HGS: variants seen among roughly 807,000 people sequenced by gnomAD.
HGS encodes hepatocyte growth factor-regulated tyrosine kinase substrate, also known as human growth factor-regulated tyrosine kinase substrate.
Under a neutral mutation model 109.7 loss-of-function variants are expected in HGS, and 63 were observed. The observed-to-expected ratio is 0.57, with a 90% confidence interval of 0.47 to 0.71. HGS has a LOEUF of 0.71. Ranked by LOEUF, HGS falls within the 30% of genes least tolerant of loss-of-function variation. The probability of loss-of-function intolerance (pLI) is 0.00; values close to 1 mark genes in which losing one functional copy is unlikely to be tolerated. For synonymous variants in HGS, 546 were observed against 437.3 expected, an observed-to-expected ratio of 1.25 and a Z score of -3.10; for missense variants, 995 against 1,068.3, an observed-to-expected ratio of 0.93 and a Z score of 0.96.
At chr17:81,696,776 G>C in intron 17 of HGS, 29 bp downstream of exon 17, 1 of 1,602,260 alleles carries the variant, frequency 6.2e-7, no homozygotes, top group Non-Finnish European at 8.5e-7. Context: ...CCACCCAGAG[G>C]CTTGTGGGCT....
intron 2 of HGS, among the ~76,000 whole-genome samples, 191 bp downstream of exon 2, chr17:81,685,880 A>G (rs1257088404): frequency 6.6e-6 from 1 of 152,128 alleles, no homozygotes; most frequent in Non-Finnish European, 1.5e-5. Context: ...CAGCTTGCAG[A>G]TACCTGGTTA....
chr17:81,693,637 TC>T lies in HGS; in HGVS notation c.742-13del. ...TCTTCCCCGGCGCCCCCCCTCACCCTCCCCGCTTGTCCTCAGCTGCCCCCCA... is the reference window on the plus strand; with the variant it reads ...TCTTCCCCGGCGCCCCCCCTCACCCTCCCGCTTGTCCTCAGCTGCCCCCCA... On this transcript the variant is annotated splice_polypyrimidine_tract_variant and intron_variant, in intron 9 of 21. Transcript: ENST00000329138. 7.4e-7 allele frequency: 1 copy of T among 1,359,680 alleles called. No homozygotes were observed. The highest frequency in any genetic ancestry group is 1.0e-6 in the Non-Finnish European group (1 of 984,524). The allele number at this position is 1,359,680 out of a possible 1,614,324, so 84.2% of individuals were successfully genotyped here.
chr17:81,684,850 C>A, intron 1 of HGS: 1 of 967,858 alleles, frequency 1.0e-6, no homozygotes, highest in Non-Finnish European at 1.2e-6. Context: ...ACCTTCCTTG[C>A]CAAGGGAACC....
intron 6 of HGS, 110 bp downstream of exon 6, chr17:81,690,344 T>C: frequency 8.8e-7 from 1 of 1,137,218 alleles, no homozygotes; most frequent in Non-Finnish European, 1.3e-6. Context: ...CTCTCGTCTG[T>C]CTGGGACCTG....
chr17:81,696,715 C>T lies in HGS; in HGVS notation c.1675C>T (p.Gln559Ter), dbSNP rs1242228706. 1 of 1,608,600 alleles carries T rather than the reference C, an allele frequency of 6.2e-7. No homozygotes were observed. ...GAAGCAGACGGTCCAGATGCGCGCG[C>T]AGATGCCCGCCTTCCCCCTGCCCTA... ...QQKQTVQMRAQMPAFPLPYAQ... is the reference protein window; with the variant it reads ...QQKQTVQMRA Residue 559 changes from glutamine to a stop codon, truncating the protein, a stop_gained, in exon 17 of 22, where the codon CAG (glutamine) becomes TAG (stop). Transcript: ENST00000329138. LOFTEE classifies it high-confidence loss of function.
chr17:81,690,887 G>A (rs535708633), intron 7 of HGS, 145 bp downstream of exon 7: 11 of 641,146 alleles, frequency 1.7e-5, no homozygotes, highest in Middle Eastern at 3.1e-4. Context: ...GCAGTGTGGC[G>A]TCAGGAGGGG....
In HGS at chr17:81,695,234, G is replaced by C. The variant is rs569989728; in HGVS notation, c.1179+11G>C. ...GGCCCCTTTAGTGAGGTAAGCTGTG[G>C]CTCCCTCCACGGGCCAGGGCAAAAC... is the stretch of plus-strand genomic sequence containing the variant. On this transcript the variant is annotated intron_variant, in intron 14 of 21. Coordinates refer to ENST00000329138, the MANE Select transcript of HGS (RefSeq NM_004712.5). The C allele has an allele frequency of 6.2e-7, 1 of 1,613,746 alleles. No homozygotes were observed. The highest frequency in any genetic ancestry group is 2.2e-5 in the East Asian group (1 of 44,880).
At position 81,695,162 on chromosome 17, in the gene HGS, A is replaced by G; in HGVS notation, c.1120-2A>G. On this transcript the variant is annotated splice_acceptor_variant, in intron 13 of 21. Transcript: ENST00000329138. LOFTEE classifies it high-confidence loss of function. Reference sequence around the variant, plus strand: ...AGGCCCCACTCATTCTCTCTCTTCCAGAACCCCCTCCCGGAGACAGACTCT... The same window carrying G: ...AGGCCCCACTCATTCTCTCTCTTCCGGAACCCCCTCCCGGAGACAGACTCT... The G allele has an allele frequency of 6.2e-7, 1 of 1,614,108 alleles. No homozygotes were observed. The highest frequency in any genetic ancestry group is 8.5e-7 in the Non-Finnish European group (1 of 1,179,986).
chr17:81,701,774 G>T lies in HGS; in HGVS notation c.*156G>T, dbSNP rs1459644160. On this transcript the variant is annotated 3_prime_UTR_variant, in exon 22 of 22. Transcript: ENST00000329138. ...CCTTCACCCCAAGCCCACCTCCCTT[G>T]TCCTCAGCCTACTGCAGTCCCTGAG... The T allele has an allele frequency of 1.8e-6, 2 of 1,129,370 alleles. No individual in the cohort carries two copies. The highest frequency in any genetic ancestry group is 1.7e-5 in the South Asian group (1 of 57,976). The allele number at this position is 1,129,370 out of a possible 1,614,324, so 70.0% of individuals were successfully genotyped here.
At chr17:81,695,687 T>C (rs1170852632) in intron 14 of HGS, 99 bp from the exon 15 acceptor site, 3 of 1,081,348 alleles carry the variant, frequency 2.8e-6, no homozygotes, top group Non-Finnish European at 4.2e-6. Flanking sequence ...TGGACTCTGC[T>C]CCAGGCTTGA....
chr17:81,695,763 C>G (rs2037136266), intron 14 of HGS, 23 bp from the exon 15 acceptor site: 16 of 1,612,002 alleles, frequency 9.9e-6, no homozygotes, highest in Non-Finnish European at 1.4e-5. Flanking sequence ...CCGCACTCAT[C>G]CAGAACCCTG....
intron 6 of HGS, 183 bp from the exon 7 acceptor site, chr17:81,690,491 C>T: frequency 3.2e-6 from 2 of 629,360 alleles, no homozygotes; most frequent in Admixed American, 3.0e-5. Context: ...AAGGAAGTCC[C>T]TTCCTCAGGC....
In HGS at chr17:81,687,077, G is replaced by A. The variant is rs1218867116; in HGVS notation, c.273G>A (p.Glu91=). 1.9e-6 allele frequency: 3 copies of A among 1,613,082 alleles called. No individual in the cohort carries two copies. Among genetic ancestry groups the A allele is most frequent in the Non-Finnish European group, 2.5e-6 (3 of 1,179,786 alleles). Residue 91 remains glutamate (E), a synonymous_variant, in exon 4 of 22, where the codon GAG becomes GAA. Coordinates refer to ENST00000329138, the MANE Select transcript of HGS (RefSeq NM_004712.5). ...TGGCCAACAAGCAGACCATGGAGGA[G>A]CTGAAGGACCTGCTGAAGGTGGGTG... is the stretch of plus-strand genomic sequence containing the variant. ...DEVANKQTME[E]LKDLLKRQVE... is the part of the protein sequence containing the mutation.
At position 81,693,902 on chromosome 17, in the gene HGS, G is replaced by C; in HGVS notation, c.873G>C (p.Lys291Asn). The C allele has an allele frequency of 6.2e-7, 1 of 1,611,546 alleles. No homozygotes were observed. Among genetic ancestry groups the C allele is most frequent in the South Asian group, 1.1e-5 (1 of 90,994 alleles). ...AGTCCACGTACACTTCGTACCCCAA[G>C]GCGGAGCCCATGCCCTCGGCCTCCT... ...RQKSTYTSYP[K>N]AEPMPSASSA... The change falls in exon 11 of 22, where the codon AAG (lysine) becomes AAC (asparagine). Residue 291 changes from lysine to asparagine, a missense_variant. Physicochemically the swap from Lys to Asn is moderately conservative, Grantham distance 94. This residue lies in a region of HGS where 300 missense variants were observed against 235.4 expected (regional missense o/e 1.27). Transcript: ENST00000329138.
rs1299545022 is a variant in HGS at position 81,693,588 on chromosome 17, A to G, written c.741+7A>G. The stretch of plus-strand genomic sequence containing the variant: ...CCTGTCTCAGCAGTCCCAGGTACTC[A>G]GCCCCCTCCGTCCCGTGGGCACCTC... On this transcript the variant is annotated splice_region_variant and intron_variant, in intron 9 of 21. Coordinates refer to ENST00000329138, the MANE Select transcript of HGS (RefSeq NM_004712.5). 2.5e-6 allele frequency: 4 copies of G among 1,586,546 alleles called. No individual in the cohort carries two copies. Among genetic ancestry groups the G allele is most frequent in the East Asian group, 4.5e-5 (2 of 44,540 alleles).
At chr17:81,701,168 G>A in intron 21 of HGS, 37 bp downstream of exon 21, 1 of 1,565,404 alleles carries the variant, frequency 6.4e-7, no homozygotes, top group Non-Finnish European at 8.8e-7. Flanking sequence ...GGCACCCGCA[G>A]GGCACCCTCA....
chr17:81,701,579 G>A lies in HGS; in HGVS notation c.2295G>A (p.Pro765=), dbSNP rs375113913. 5.5e-5 allele frequency: 86 copies of A among 1,570,906 alleles called. No individual in the cohort carries two copies. The African/African-American group carries it at 5.5e-4, about 10-fold the overall frequency. ...AGCAACCGCAGGCACAGGGGCCGCC[G>A]GCACAGGGCAGCGAGGCCCAGCTCA... ...VAQQPQAQGP[P]AQGSEAQLIS... is the part of the protein sequence containing the mutation. Residue 765 remains proline (P), a synonymous_variant, in exon 22 of 22, where the codon CCG becomes CCA. Transcript: ENST00000329138.
intron 18 of HGS, among the ~76,000 whole-genome samples, chr17:81,699,254 C>T (rs1275657290): frequency 6.6e-6 from 1 of 152,212 alleles, no homozygotes; most frequent in Non-Finnish European, 1.5e-5. Context: ...TAACATTTGT[C>T]TGTAGTTCTT....
chr17:81,700,134 AG>A (rs1411692029), intron 18 of HGS, among the ~76,000 whole-genome samples: 1 of 151,954 alleles, frequency 6.6e-6, no homozygotes, highest in African/African-American at 2.4e-5. Context: ...TGGGAGGCCG[AG>A]GCGGGCGGAT....
Sources: allele counts gnomAD v4.1 joint callset (sites outside exome capture counted in the v4.1 genomes callset), GRCh38; gene constraint gnomAD v4.1.1; regional missense constraint gnomAD v4.1.1; transcripts MANE v1.5; gene names NCBI Gene and HGNC (gene_info 2026-07-23, HGNC 2026-07-21).